LRRC4C: variants seen among roughly 807,000 people sequenced by gnomAD.
The protein encoded by LRRC4C is leucine-rich repeat-containing protein 4C.
LRRC4C carries 5 observed loss-of-function variants against 33.6 expected under a neutral mutation model. That is an observed-to-expected ratio of 0.15 (90% CI 0.08 to 0.31). The LOEUF is 0.31. LRRC4C is among the 10% of genes least tolerant of loss of function. The probability of loss-of-function intolerance (pLI) is 1.00; values close to 1 mark genes in which losing one functional copy is unlikely to be tolerated. For missense variants in LRRC4C, 560 were observed against 796.7 expected (o/e 0.70, Z 3.58); for synonymous variants, 329 against 302.0 (o/e 1.09, Z -0.93).
Position 41,444,823 on chromosome 11 carries a change from G to A in LRRC4C, c.-496+14608C>T, listed in dbSNP as rs1955768656. On this transcript the variant is annotated intron_variant, in intron 1 of 6. Coordinates refer to ENST00000528697, the MANE Select transcript of LRRC4C (RefSeq NM_001258419.2). The stretch of plus-strand genomic sequence containing the variant: ...CTAACTTAATTTTTTTTTTTTTTGA[G>A]ATGGAATTTCGCTCTTGTTGCCCAG... Among the ~76,000 whole-genome samples, 3 of 142,828 alleles carry A rather than the reference G, an allele frequency of 2.1e-5. No individual in the cohort carries two copies. The South Asian group carries it at 6.6e-4, about 31-fold the overall frequency. The allele number at this position is 142,828 out of a possible 152,430, so 93.7% of individuals were successfully genotyped here. A position where few individuals can be genotyped will look rare whatever the true frequency, so the allele number is the denominator to read the frequency against.
At chr11:40,751,527 C>T (rs905519501) in intron 2 of LRRC4C, among the ~76,000 whole-genome samples, 2 of 151,776 alleles carry the variant, frequency 1.3e-5, no homozygotes, top group East Asian at 1.9e-4. Context: ...AAAGAAATAC[C>T]TAGGAATACA....
At chr11:40,917,176 T>G (rs1392992137) in intron 2 of LRRC4C, among the ~76,000 whole-genome samples, 2 of 152,166 alleles carry the variant, frequency 1.3e-5, no homozygotes, top group East Asian at 3.9e-4. Context: ...TTTTCATTTG[T>G]AAGTTCCAAA....
At chr11:41,312,399 G>A (rs75827980) in intron 1 of LRRC4C, among the ~76,000 whole-genome samples, 1,939 of 152,260 alleles carry the variant, frequency 0.013, 25 homozygotes, top group Non-Finnish European at 0.018. Context: ...CCAGTACAGA[G>A]TAATGTTTAG....
chr11:40,646,167 C>T (rs1158392204), intron 3 of LRRC4C, among the ~76,000 whole-genome samples: 1 of 152,016 alleles, frequency 6.6e-6, no homozygotes, highest in East Asian at 1.9e-4. Context: ...GCAGCAGGAG[C>T]TGAAGCTGTT....
At chr11:40,786,818 T>C (rs1950430033) in intron 2 of LRRC4C, among the ~76,000 whole-genome samples, 1 of 152,078 alleles carries the variant, frequency 6.6e-6, no homozygotes, top group South Asian at 2.1e-4. Context: ...AGGATGTAAC[T>C]ACAGTACAAG....
At chr11:41,118,901 TTTC>T (rs1942278180) in intron 1 of LRRC4C, among the ~76,000 whole-genome samples, 1 of 59,022 alleles carries the variant, frequency 1.7e-5, no homozygotes, top group Admixed American at 1.8e-4. Context: ...AATAAATCCT[TTTC>T]TTATCTTTTT....
At chr11:40,866,837 G>A (rs1002105870) in intron 2 of LRRC4C, among the ~76,000 whole-genome samples, 1 of 152,048 alleles carries the variant, frequency 6.6e-6, no homozygotes, top group Non-Finnish European at 1.5e-5. Context: ...TATAGTCCAT[G>A]GATGTCTTCA....
intron 3 of LRRC4C, among the ~76,000 whole-genome samples, chr11:40,609,055 C>G (rs77627821): frequency 6.6e-6 from 1 of 152,184 alleles, no homozygotes; most frequent in East Asian, 1.9e-4. Context: ...TCGAACAACA[C>G]TGTAGATGAA....
chr11:40,913,303 C>A (rs1367874826), intron 2 of LRRC4C, among the ~76,000 whole-genome samples: 6 of 152,144 alleles, frequency 3.9e-5, no homozygotes, highest in African/African-American at 1.4e-4. Context: ...GGAAGTAAAG[C>A]ACTCCTCAGC....
At chr11:40,782,791 T>C (rs1950263726) in intron 2 of LRRC4C, among the ~76,000 whole-genome samples, 1 of 152,172 alleles carries the variant, frequency 6.6e-6, no homozygotes, top group African/African-American at 2.4e-5. Context: ...TAGTCAATTA[T>C]GGTAAAAAGT....
intron 1 of LRRC4C, among the ~76,000 whole-genome samples, chr11:41,415,000 A>G (rs1329380162): frequency 6.6e-6 from 1 of 152,164 alleles, no homozygotes; most frequent in Non-Finnish European, 1.5e-5. Context: ...ACATGAAGTA[A>G]TTAGGCCAAT....
intron 3 of LRRC4C, among the ~76,000 whole-genome samples, chr11:40,585,460 T>C (rs1373310926): frequency 6.7e-6 from 1 of 148,206 alleles, no homozygotes; most frequent in East Asian, 2.0e-4. Flanking sequence ...TTTACTGAAA[T>C]TTGAATTTGT....
At chr11:40,783,907 A>G (rs906739318) in intron 2 of LRRC4C, among the ~76,000 whole-genome samples, 3 of 152,152 alleles carry the variant, frequency 2.0e-5, no homozygotes, top group African/African-American at 4.8e-5. Context: ...TAAAACCACA[A>G]TCTTGAAAAT....
At chr11:41,266,501 A>G (rs1307492967) in intron 1 of LRRC4C, among the ~76,000 whole-genome samples, 1 of 152,156 alleles carries the variant, frequency 6.6e-6, no homozygotes, top group African/African-American at 2.4e-5. Context: ...GGAATAGACA[A>G]TTTTGAAACT....
chr11:40,731,371 C>T (rs1349755964), intron 2 of LRRC4C, among the ~76,000 whole-genome samples: 1 of 151,942 alleles, frequency 6.6e-6, no homozygotes, highest in African/African-American at 2.4e-5. Flanking sequence ...CCCCACCGCC[C>T]CTTGCTCCTG....
In LRRC4C at chr11:40,289,359, C is replaced by T. The variant is rs185315971; in HGVS notation, c.-176+30269G>A. ...AATTCAAAAATTACATATTATAATT[C>T]CCACCTCATAGACTAGACAATTGAG... On this transcript the variant is annotated intron_variant, in intron 4 of 6. Coordinates refer to ENST00000528697, the MANE Select transcript of LRRC4C (RefSeq NM_001258419.2). Among the ~76,000 whole-genome samples, 1,298 of 152,226 alleles carry T rather than the reference C, an allele frequency of 8.5e-3. 8 individuals carry two copies. Among genetic ancestry groups the T allele is most frequent in the Non-Finnish European group, 0.013 (854 of 68,022 alleles).
intron 1 of LRRC4C, among the ~76,000 whole-genome samples, chr11:41,196,991 G>T (rs1325936036): frequency 6.6e-6 from 1 of 152,002 alleles, no homozygotes; most frequent in African/African-American, 2.4e-5. Flanking sequence ...TTATTATTCA[G>T]TTTGAAATTC....
intron 5 of LRRC4C, among the ~76,000 whole-genome samples, chr11:40,174,701 A>G (rs1860329261): frequency 6.6e-6 from 1 of 152,358 alleles, no homozygotes; most frequent in Admixed American, 6.5e-5. Flanking sequence ...TTTGACCACA[A>G]GACAATACAG....
chr11:40,538,219 CT>C (rs1956556785), intron 3 of LRRC4C, among the ~76,000 whole-genome samples: 1 of 152,104 alleles, frequency 6.6e-6, no homozygotes, highest in African/African-American at 2.4e-5. Flanking sequence ...GCTCTCATCA[CT>C]CTGAGTAATT....
Sources: gnomAD v4.1 joint callset for allele counts (sites outside exome capture counted in the v4.1 genomes callset) on GRCh38, gnomAD v4.1.1 for gene constraint, MANE v1.5 for transcripts, NCBI Gene and HGNC (gene_info 2026-07-23, HGNC 2026-07-21) for gene names.